LAMA2: variants seen among roughly 807,000 people sequenced by gnomAD.
The protein encoded by LAMA2 is laminin subunit alpha 2.
In LAMA2, 269 loss-of-function variants were observed where a neutral mutation model predicts 364.8. The ratio of observed to expected loss-of-function variants is 0.74; its 90% CI spans 0.67 to 0.82. LAMA2 has a LOEUF of 0.82. Among genes scored for constraint, LAMA2 ranks in the 40% least tolerant of loss-of-function variants. The pLI is 0.00. For synonymous variants in LAMA2, 1,379 were observed against 1,370.6 expected (o/e 1.01, Z -0.14); for missense variants, 3,807 against 3,873.2 (o/e 0.98, Z 0.45).
chr6:129,315,643 T>A lies in LAMA2; in HGVS notation c.3723T>A (p.Phe1241Leu). The A allele has an allele frequency of 1.2e-6, 2 of 1,614,160 alleles. No individual in the cohort carries two copies. The highest frequency in any genetic ancestry group is 1.7e-6 in the Non-Finnish European group (2 of 1,179,996). ...EPFYWKLPEQ[F>L]EGKKLMAYGG... is the part of the protein sequence containing the mutation. ...TTTATTGGAAACTTCCAGAACAATT[T>A]GAAGGAAAGAAGGTAAGCACAAGAA... Residue 1241 changes from phenylalanine to leucine, a missense_variant, in exon 25 of 65, where the codon TTT (phenylalanine) becomes TTA (leucine). Transcript: ENST00000421865.
At chr6:128,908,980 A>G (rs1395296934) in intron 1 of LAMA2, among the ~76,000 whole-genome samples, 1 of 146,054 alleles carries the variant, frequency 6.8e-6, no homozygotes, top group Non-Finnish European at 1.5e-5. Context: ...TTCTAGTTTG[A>G]TTGCACTGTG....
intron 1 of LAMA2, among the ~76,000 whole-genome samples, chr6:128,894,818 T>C (rs1776664493): frequency 6.6e-6 from 1 of 152,254 alleles, no homozygotes; most frequent in Admixed American, 6.5e-5. Context: ...TAATGTACCA[T>C]CAGTGTTTCC....
chr6:129,498,287 G>A (rs1485285886), intron 58 of LAMA2, among the ~76,000 whole-genome samples: 2 of 152,164 alleles, frequency 1.3e-5, no homozygotes, highest in African/African-American at 4.8e-5. Context: ...GAGCACAGAA[G>A]GAAAGAATAG....
chr6:129,158,541 T>C (rs1413046477), intron 8 of LAMA2: 5 of 1,613,952 alleles, frequency 3.1e-6, no homozygotes, highest in African/African-American at 1.3e-5. Context: ...TTCATCCTGT[T>C]CCAAATCACG....
At chr6:129,267,071 C>T in intron 15 of LAMA2, 35 bp from the exon 16 acceptor site, 1 of 1,346,440 alleles carries the variant, frequency 7.4e-7, no homozygotes, top group African/African-American at 1.4e-5. Flanking sequence ...TTGTTTTAAT[C>T]TCCAAGACTG....
chr6:128,886,115 A>C (rs1385639843), intron 1 of LAMA2, among the ~76,000 whole-genome samples: 1 of 152,156 alleles, frequency 6.6e-6, no homozygotes, highest in African/African-American at 2.4e-5. Flanking sequence ...ATACTCAACT[A>C]TCTTGGTAAT....
At chr6:129,462,230 C>T (rs752311056) in intron 49 of LAMA2, among the ~76,000 whole-genome samples, 1 of 151,988 alleles carries the variant, frequency 6.6e-6, no homozygotes, top group East Asian at 1.9e-4. Context: ...TAGGTTCATA[C>T]ACACTTCTTC....
At chr6:129,156,892 A>G (rs1470340711) in intron 8 of LAMA2, among the ~76,000 whole-genome samples, 2 of 152,038 alleles carry the variant, frequency 1.3e-5, no homozygotes, top group Non-Finnish European at 2.9e-5. Flanking sequence ...TTGCATTTTT[A>G]AAGCACAAAA....
At chr6:129,249,005 G>A (rs184239350) in intron 12 of LAMA2, among the ~76,000 whole-genome samples, 84 of 152,294 alleles carry the variant, frequency 5.5e-4, no homozygotes, top group African/African-American at 2.0e-3. Context: ...AGAGCCCCAT[G>A]TAATGAGCTC....
At chr6:129,311,053 T>C (rs1322122601) in intron 22 of LAMA2, among the ~76,000 whole-genome samples, 1 of 151,728 alleles carries the variant, frequency 6.6e-6, no homozygotes, top group African/African-American at 2.4e-5. Flanking sequence ...CCCTCCCAAC[T>C]AAAGGCACAC....
chr6:129,328,668 T>A (rs916529511), intron 29 of LAMA2, among the ~76,000 whole-genome samples: 8 of 152,216 alleles, frequency 5.3e-5, no homozygotes, highest in African/African-American at 1.9e-4. Context: ...ACATACCTAT[T>A]TAAAAATTAT....
chr6:129,247,891 A>T (rs1785874398), intron 12 of LAMA2, among the ~76,000 whole-genome samples: 1 of 152,092 alleles, frequency 6.6e-6, no homozygotes, highest in Non-Finnish European at 1.5e-5. Flanking sequence ...CTGCATGAGG[A>T]GCCCCTATTT....
intron 1 of LAMA2, among the ~76,000 whole-genome samples, chr6:128,923,642 C>G (rs1778893700): frequency 6.6e-6 from 1 of 151,900 alleles, no homozygotes; most frequent in African/African-American, 2.4e-5. Flanking sequence ...AATTTTTTTC[C>G]CACTGTTCTC....
At chr6:129,056,540 T>C (rs1004431297) in intron 2 of LAMA2, among the ~76,000 whole-genome samples, 18 of 152,200 alleles carry the variant, frequency 1.2e-4, no homozygotes, top group African/African-American at 4.1e-4. Flanking sequence ...ATTTTTGCCC[T>C]GTCTTGTACA....
intron 56 of LAMA2, among the ~76,000 whole-genome samples, chr6:129,491,371 G>A (rs1198847105): frequency 6.6e-6 from 1 of 152,166 alleles, no homozygotes; most frequent in Non-Finnish European, 1.5e-5. Flanking sequence ...ATCATTGCAA[G>A]GAACAATTAG....
intron 17 of LAMA2, among the ~76,000 whole-genome samples, chr6:129,277,918 A>C (rs1190693914): frequency 6.6e-6 from 1 of 152,158 alleles, no homozygotes; most frequent in Non-Finnish European, 1.5e-5. Flanking sequence ...TTAAAGTGTC[A>C]AGGCCAGGTG....
intron 1 of LAMA2, among the ~76,000 whole-genome samples, chr6:128,914,157 TA>T (rs1778157646): frequency 1.3e-5 from 2 of 152,330 alleles, no homozygotes; most frequent in Admixed American, 1.3e-4. Context: ...ATTTCTACTT[TA>T]AAAATAGCTT....
At position 129,369,506 on chromosome 6, in the gene LAMA2, G is replaced by T. The variant is rs7766916; in HGVS notation, c.4861-386G>T. ...TTAATTGGAATGGGAGCCTTAAATGGGCCAGGCAAGGAGTTTATCTTAACT... is the reference window on the plus strand; with the variant it reads ...TTAATTGGAATGGGAGCCTTAAATGTGCCAGGCAAGGAGTTTATCTTAACT... On this transcript the variant is annotated intron_variant, in intron 33 of 64. Transcript: ENST00000421865. Among the ~76,000 whole-genome samples the T allele has an allele frequency of 8.9e-3, 1,348 of 152,124 alleles. 21 individuals carry two copies. Among genetic ancestry groups the T allele is most frequent in the African/African-American group, 0.031 (1,296 of 41,490 alleles).
chr6:129,099,906 C>T (rs78967531), intron 4 of LAMA2, among the ~76,000 whole-genome samples: 3,732 of 152,264 alleles, frequency 0.025, 86 homozygotes, highest in Non-Finnish European at 0.033. Flanking sequence ...CTAGAGGCAT[C>T]CAATTCCTGG....
Sources: allele counts gnomAD v4.1 joint callset (sites outside exome capture counted in the v4.1 genomes callset), GRCh38; gene constraint gnomAD v4.1.1; transcripts MANE v1.5; gene names NCBI Gene and HGNC (gene_info 2026-07-23, HGNC 2026-07-21).